The following RNLS variants were observed in gnomAD, a reference collection of about 807,000 sequenced individuals.
RNLS encodes the protein renalase, FAD dependent amine oxidase.
In RNLS, 39 loss-of-function variants were observed where a neutral mutation model predicts 39.8. The observed-to-expected ratio is 0.98, with a 90% CI of 0.76 to 1.28. RNLS has a LOEUF of 1.28. Ranked by LOEUF, RNLS falls within the 50% of genes most tolerant of loss-of-function variation. The pLI, the probability that RNLS is intolerant of heterozygous loss-of-function variation, is 0.00. For synonymous variants in RNLS, 147 were observed against 150.7 expected, an observed-to-expected ratio of 0.98 and a Z score of 0.18; for missense variants, 410 against 413.3, an observed-to-expected ratio of 0.99 and a Z score of 0.07.
At chr10:88,279,743 G>A (rs1310591260), downstream of RNLS, among the ~76,000 whole-genome samples, 1 of 152,114 alleles carries the variant, frequency 6.6e-6, no homozygotes, top group Non-Finnish European at 1.5e-5. Flanking sequence ...AAAAGACAAC[G>A]TTCTTGCAGA....
chr10:88,548,738 A>G (rs563151565), intron 4 of RNLS, among the ~76,000 whole-genome samples: 50 of 148,872 alleles, frequency 3.4e-4, no homozygotes, highest in Non-Finnish European at 5.8e-4. Flanking sequence ...ATATGGCCAT[A>G]TATTTGTGTG....
At chr10:88,183,893 C>A in the RNLS span, among the ~76,000 whole-genome samples, 2 of 152,072 alleles carry the variant, frequency 1.3e-5, no homozygotes, top group Non-Finnish European at 2.9e-5. Flanking sequence ...GAGACTTTTG[C>A]GGATCAACTA....
chr10:88,486,370 G>A (rs1844522196), intron 4 of RNLS, among the ~76,000 whole-genome samples: 1 of 152,102 alleles, frequency 6.6e-6, no homozygotes, highest in Non-Finnish European at 1.5e-5. Flanking sequence ...TTTGACAAAT[G>A]AGATCTAATT....
chr10:88,352,025 C>T (rs1417867996), intron 5 of RNLS, among the ~76,000 whole-genome samples: 1 of 152,054 alleles, frequency 6.6e-6, no homozygotes, highest in Non-Finnish European at 1.5e-5. Context: ...TATAAGAATG[C>T]TTGTGATTTT....
chr10:88,208,951 G>A, the RNLS span, among the ~76,000 whole-genome samples: 1 of 152,118 alleles, frequency 6.6e-6, no homozygotes, highest in Non-Finnish European at 1.5e-5. Context: ...GGACAAAAGA[G>A]TGGTTTAAGT....
At chr10:88,302,629 C>T (rs1160766872) in intron 6 of RNLS, among the ~76,000 whole-genome samples, 3 of 152,024 alleles carry the variant, frequency 2.0e-5, no homozygotes, top group Non-Finnish European at 2.9e-5. Context: ...ATAAATTGAA[C>T]CTCAAGTTTC....
chr10:88,463,367 A>G (rs1464537224), intron 4 of RNLS, among the ~76,000 whole-genome samples: 1 of 152,044 alleles, frequency 6.6e-6, no homozygotes, highest in Non-Finnish European at 1.5e-5. Context: ...GAAAACTACC[A>G]TAAGCTAGGG....
chr10:88,216,951 C>T, the RNLS span, among the ~76,000 whole-genome samples: 1 of 151,732 alleles, frequency 6.6e-6, no homozygotes, highest in East Asian at 1.9e-4. Flanking sequence ...TTAGGGCAAC[C>T]AAGATAGGCT....
intron 4 of RNLS, among the ~76,000 whole-genome samples, chr10:88,549,049 A>G (rs1442405761): frequency 6.6e-6 from 1 of 152,106 alleles, no homozygotes; most frequent in African/African-American, 2.4e-5. Flanking sequence ...AATGTGAAAA[A>G]TCCCTTTGAA....
intron 5 of RNLS, 29 bp from the exon 6 acceptor site, chr10:88,314,670 A>T (rs778200247): frequency 1.3e-6 from 2 of 1,593,622 alleles, no homozygotes; most frequent in Non-Finnish European, 1.7e-6. Context: ...ATAAAGATGC[A>T]TCTTAAAGTG....
At chr10:88,577,749 T>C (rs758539364) in intron 3 of RNLS, among the ~76,000 whole-genome samples, 1 of 152,196 alleles carries the variant, frequency 6.6e-6, no homozygotes, top group Admixed American at 6.5e-5. Flanking sequence ...CAGCTTTCTC[T>C]GCAATGAGGT....
chr10:88,470,754 T>TA (rs1031072522), intron 4 of RNLS, among the ~76,000 whole-genome samples: 1 of 152,028 alleles, frequency 6.6e-6, no homozygotes, highest in Non-Finnish European at 1.5e-5. Flanking sequence ...TAGCTGGGAT[T>TA]ACAGGAGCAT....
chr10:88,195,741 A>G, the RNLS span, among the ~76,000 whole-genome samples: 1 of 152,160 alleles, frequency 6.6e-6, no homozygotes, highest in African/African-American at 2.4e-5. Context: ...AGAAAATGAT[A>G]CCAGGGAGAT....
chr10:88,271,010 T>G (rs1842635533), downstream of RNLS, among the ~76,000 whole-genome samples: 1 of 152,154 alleles, frequency 6.6e-6, no homozygotes. Context: ...TGTTTGATAT[T>G]CTGAGGTCTA....
intron 4 of RNLS, among the ~76,000 whole-genome samples, chr10:88,537,812 G>A (rs1003689782): frequency 3.3e-5 from 5 of 152,078 alleles, no homozygotes; most frequent in Admixed American, 1.3e-4. Flanking sequence ...TGTTCAATTT[G>A]TAAAAATTCA....
chr10:88,513,139 C>A (rs1846225888), intron 4 of RNLS, among the ~76,000 whole-genome samples: 1 of 152,130 alleles, frequency 6.6e-6, no homozygotes, highest in Non-Finnish European at 1.5e-5. Context: ...AGTTCTCCTA[C>A]CAGAGGCTAT....
At chr10:88,283,763 A>C (rs1162737051), downstream of RNLS, among the ~76,000 whole-genome samples, 2 of 152,070 alleles carry the variant, frequency 1.3e-5, no homozygotes, top group Non-Finnish European at 2.9e-5. Context: ...AAATGATAAG[A>C]ACATATGGAC....
chr10:88,218,861 C>G, the RNLS span, among the ~76,000 whole-genome samples: 3 of 152,174 alleles, frequency 2.0e-5, no homozygotes, highest in African/African-American at 7.2e-5. Flanking sequence ...CTTCAATACT[C>G]TCCTCATGCT....
At chr10:88,309,630 C>A (rs1383230926) in intron 6 of RNLS, among the ~76,000 whole-genome samples, 1 of 152,126 alleles carries the variant, frequency 6.6e-6, no homozygotes, top group East Asian at 1.9e-4. Flanking sequence ...AGGGCAAAGA[C>A]TTCCTTGTTT....
Sources: allele counts gnomAD v4.1 joint callset (sites outside exome capture counted in the v4.1 genomes callset), GRCh38; gene constraint gnomAD v4.1.1; transcripts MANE v1.5; gene names NCBI Gene and HGNC (gene_info 2026-07-23, HGNC 2026-07-21).